Variants in PLPBP observed in about 807,000 individuals in gnomAD.
The protein encoded by PLPBP is pyridoxal phosphate homeostasis protein.
Under a neutral mutation model 31.2 loss-of-function variants are expected in PLPBP, and 21 were observed. The observed-to-expected ratio is 0.67, with a 90% CI of 0.48 to 0.97. PLPBP has a LOEUF of 0.97. Among genes scored for constraint, PLPBP ranks in the 50% least tolerant of loss-of-function variants. PLPBP has a pLI of 0.00. For missense variants in PLPBP, 308 were observed against 354.4 expected (o/e 0.87, Z 1.05); for synonymous variants, 124 against 135.6 (o/e 0.91, Z 0.59).
At chr8:37,776,052 G>T in intron 7 of PLPBP, 36 bp downstream of exon 7, 3 of 1,573,412 alleles carry the variant, frequency 1.9e-6, no homozygotes, top group Non-Finnish European at 1.7e-6. Flanking sequence ...TGCCTCGAGG[G>T]GTGGGGGTAG....
At chr8:37,768,185 A>G (rs1435233906) in intron 4 of PLPBP, among the ~76,000 whole-genome samples, 1 of 152,184 alleles carries the variant, frequency 6.6e-6, no homozygotes, top group Non-Finnish European at 1.5e-5. Context: ...TAATCTTATT[A>G]TATGTCATAT....
At chr8:37,774,227 A>G (rs1373299871) in intron 5 of PLPBP, among the ~76,000 whole-genome samples, 1 of 152,156 alleles carries the variant, frequency 6.6e-6, no homozygotes, top group Non-Finnish European at 1.5e-5. Flanking sequence ...AAATAAATAA[A>G]TAAAAAATTA....
intron 1 of PLPBP, among the ~76,000 whole-genome samples, chr8:37,763,766 C>T (rs1803546229): frequency 6.6e-6 from 1 of 152,100 alleles, no homozygotes; most frequent in Admixed American, 6.5e-5. Context: ...TCAAACGAGG[C>T]TGGTTACGCA....
At chr8:37,763,542 A>T (rs1053614846) in intron 1 of PLPBP, among the ~76,000 whole-genome samples, 2 of 152,122 alleles carry the variant, frequency 1.3e-5, no homozygotes, top group African/African-American at 4.8e-5. Context: ...TCAGGTAACT[A>T]TTCCGGCCCT....
At chr8:37,768,494 A>G (rs1430393167) in intron 4 of PLPBP, among the ~76,000 whole-genome samples, 2 of 102,576 alleles carry the variant, frequency 1.9e-5, no homozygotes, top group Non-Finnish European at 3.6e-5. Context: ...TTTTTTTGAG[A>G]CGGATTCTCA....
intron 5 of PLPBP, among the ~76,000 whole-genome samples, chr8:37,774,630 A>G (rs530622386): frequency 1.3e-5 from 2 of 152,356 alleles, no homozygotes; most frequent in Admixed American, 1.3e-4. Context: ...TTTTCTAGAT[A>G]ACGTCCTAGA....
Position 37,776,274 on chromosome 8 carries a change from G to A in PLPBP, c.696+258G>A, listed in dbSNP as rs529371064. Among the ~76,000 whole-genome samples the A allele has an allele frequency of 6.1e-4, 92 of 151,916 alleles. 2 individuals carry two copies. Among genetic ancestry groups the A allele is most frequent in the African/African-American group, 2.2e-3 (90 of 41,462 alleles). ...GGGCAGATCACGAGGTCAGGAGTTC[G>A]AGACCAGCCTGACCAACATGGTGAA... On this transcript the variant is annotated intron_variant, in intron 7 of 7. Transcript: ENST00000328195.
intron 1 of PLPBP, 60 bp from the exon 2 acceptor site, chr8:37,765,447 CCTACAGGATCTATCCTATG>C: frequency 2.2e-6 from 3 of 1,350,208 alleles, no homozygotes; most frequent in Non-Finnish European, 3.2e-6. Context: ...GCCTGTCTAT[CCTACAGGATCTATCCTATG>C]GGATTCATTG....
At position 37,762,681 on chromosome 8, in the gene PLPBP, T is replaced by A; in HGVS notation, c.22T>A (p.Ser8Thr). The change falls in exon 1 of 8, where the codon TCG becomes ACG. Residue 8 changes from serine to threonine, a missense_variant. By Grantham distance (58) the Ser-to-Thr change is moderately conservative. Transcript: ENST00000328195. MWRAGSMSAELGVGCALR... is the reference protein window; with the variant it reads MWRAGSMTAELGVGCALR... ...GGGGATGTGGAGAGCTGGCAGCATG[T>A]CGGCCGAGCTGGGAGTCGGGTGCGC... The A allele has an allele frequency of 6.3e-7, 1 of 1,588,364 alleles. No individual in the cohort carries two copies.
At position 37,776,016 on chromosome 8, in the gene PLPBP, G is replaced by C. The variant is rs200504564; in HGVS notation, c.696G>C (p.Ala232=). 1.2e-4 allele frequency: 186 copies of C among 1,612,828 alleles called. No homozygotes were observed. The highest frequency in any genetic ancestry group is 1.5e-4 in the Non-Finnish European group (182 of 1,179,336). ...SMGMSADFQH[A]VEVGSTNVRI... ...GCATGTCCGCGGATTTCCAGCATGCGGTGAGTGTCCTGCCAGTGCCCTGTC... is the reference window on the plus strand; with the variant it reads ...GCATGTCCGCGGATTTCCAGCATGCCGTGAGTGTCCTGCCAGTGCCCTGTC... The change falls in exon 7 of 8, where the codon GCG becomes GCC. Residue 232 remains alanine, a splice_region_variant and synonymous_variant. Coordinates refer to ENST00000328195, the MANE Select transcript of PLPBP (RefSeq NM_007198.4).
chr8:37,778,295 T>A lies in PLPBP; in HGVS notation c.*191T>A, dbSNP rs1323921991. 4 of 538,988 alleles carry A rather than the reference T, an allele frequency of 7.4e-6. No individual in the cohort carries two copies. The highest frequency in any genetic ancestry group is 1.2e-5 in the Non-Finnish European group (4 of 327,916). 33.4% of individuals were successfully genotyped at this position (538,988 alleles called of 1,614,324 possible). A position where few individuals can be genotyped will look rare whatever the true frequency, so the allele number is the denominator to read the frequency against. ...TTCAGGCAATGGCTTTGGATTGAGT[T>A]TGAGAAATTCAAACATTTCTGCAGA... On this transcript the variant is annotated 3_prime_UTR_variant, in exon 8 of 8. Transcript: ENST00000328195.
Position 37,762,659 on chromosome 8 carries a change from G to T in PLPBP, c.-1G>T, listed in dbSNP as rs1418331333. 2.5e-6 allele frequency: 4 copies of T among 1,578,218 alleles called. No individual in the cohort carries two copies. Among genetic ancestry groups the T allele is most frequent in the East Asian group, 4.6e-5 (2 of 43,734 alleles). On this transcript the variant is annotated 5_prime_UTR_variant, in exon 1 of 8. Transcript: ENST00000328195. ...TGGGGCTCGGCGTCGGTCCCCGGGG[G>T]ATGTGGAGAGCTGGCAGCATGTCGG...
chr8:37,776,466 G>A (rs1418570346), intron 7 of PLPBP, among the ~76,000 whole-genome samples: 5 of 106,832 alleles, frequency 4.7e-5, no homozygotes, highest in South Asian at 3.3e-4. Context: ...GCAACAGAGC[G>A]AGACTCCATC....
intron 4 of PLPBP, 114 bp downstream of exon 4, chr8:37,766,469 G>C (rs1803632414): frequency 1.5e-6 from 2 of 1,354,542 alleles, no homozygotes; most frequent in Admixed American, 3.3e-5. Context: ...ATTTGTTTTT[G>C]GAATTTCTTT....
intron 4 of PLPBP, among the ~76,000 whole-genome samples, chr8:37,769,699 C>T (rs868733273): frequency 6.6e-6 from 1 of 152,126 alleles, no homozygotes; most frequent in South Asian, 2.1e-4. Flanking sequence ...ATGAGTACTC[C>T]TTCGTCTTAC....
chr8:37,772,674 T>C, intron 4 of PLPBP, 81 bp from the exon 5 acceptor site: 4 of 1,528,098 alleles, frequency 2.6e-6, no homozygotes, highest in South Asian at 2.3e-5. Flanking sequence ...TTTTTTCCTC[T>C]AACAAGTCAG....
At chr8:37,767,799 C>CTTTT (rs1175107737) in intron 4 of PLPBP, among the ~76,000 whole-genome samples, 64 of 98,928 alleles carry the variant, frequency 6.5e-4, no homozygotes, top group African/African-American at 1.2e-3. Context: ...CTTTTATTTA[C>CTTTT]TTTTTTTTTT....
Position 37,775,481 on chromosome 8 carries a change from G to T in PLPBP, c.597G>T (p.Gln199His), listed in dbSNP as rs943828270. The T allele has an allele frequency of 2.5e-6, 4 of 1,613,786 alleles. No individual in the cohort carries two copies. Among genetic ancestry groups the T allele is most frequent in the Admixed American group, 1.7e-5 (1 of 60,020 alleles). Residue 199 changes from glutamine (Q) to histidine (H), a missense_variant and splice_region_variant, in exon 6 of 8, where the codon CAG becomes CAT. Coordinates refer to ENST00000328195, the MANE Select transcript of PLPBP (RefSeq NM_007198.4). ...DLSQGPNPDF[Q>H]LLLSLREELC... is the part of the protein sequence containing the mutation. Reference sequence around the variant, plus strand: ...GTCAAGGACCAAATCCAGACTTCCAGGTACTGGGGGGTCGGGGAGATTGCT... The same window carrying T: ...GTCAAGGACCAAATCCAGACTTCCATGTACTGGGGGGTCGGGGAGATTGCT...
chr8:37,773,005 C>T, intron 5 of PLPBP, 116 bp downstream of exon 5: 1 of 1,383,870 alleles, frequency 7.2e-7, no homozygotes, highest in Non-Finnish European at 1.0e-6. Flanking sequence ...ATCACAGGAT[C>T]ACAGGCCTCT....
Sources: allele counts gnomAD v4.1 joint callset (sites outside exome capture counted in the v4.1 genomes callset), GRCh38; gene constraint gnomAD v4.1.1; transcripts MANE v1.5; gene names NCBI Gene and HGNC (gene_info 2026-07-23, HGNC 2026-07-21).